Variants in BRINP1 observed in about 807,000 individuals in gnomAD.
BRINP1 encodes BMP/retinoic acid inducible neural specific 1.
In BRINP1, 17 loss-of-function variants were observed where a neutral mutation model predicts 72.9. The ratio of observed to expected loss-of-function variants is 0.23; its 90% confidence interval spans 0.16 to 0.35. The LOEUF is 0.35. Among genes scored for constraint, BRINP1 ranks in the 10% least tolerant of loss-of-function variants. The probability of loss-of-function intolerance (pLI) is 1.00; values close to 1 mark genes in which losing one functional copy is unlikely to be tolerated. For missense variants in BRINP1, 850 were observed against 1,001.6 expected, an observed-to-expected ratio of 0.85 and a Z score of 2.04; for synonymous variants, 418 against 378.5, an observed-to-expected ratio of 1.10 and a Z score of -1.21.
intron 7 of BRINP1, among the ~76,000 whole-genome samples, chr9:119,202,380 T>C (rs1049262842): frequency 6.6e-6 from 1 of 152,168 alleles, no homozygotes; most frequent in Admixed American, 6.5e-5. Flanking sequence ...CCCAATTGCA[T>C]AGCCCCCTTT....
chr9:119,219,317 T>C (rs1356493420), intron 5 of BRINP1, among the ~76,000 whole-genome samples: 3 of 152,156 alleles, frequency 2.0e-5, no homozygotes, highest in African/African-American at 7.2e-5. Context: ...AAATCCTCCT[T>C]GAATAGCACC....
intron 6 of BRINP1, among the ~76,000 whole-genome samples, chr9:119,209,160 TG>T (rs1377607431): frequency 1.3e-5 from 2 of 152,250 alleles, no homozygotes; most frequent in Non-Finnish European, 2.9e-5. Flanking sequence ...ACCGCATTCT[TG>T]CTTAAGACAG....
chr9:119,210,437 T>C (rs1182844793), intron 6 of BRINP1, among the ~76,000 whole-genome samples: 1 of 152,292 alleles, frequency 6.6e-6, no homozygotes, highest in South Asian at 2.1e-4. Context: ...ACCTAACATA[T>C]ATAACCATAT....
chr9:119,269,892 A>G (rs554373537), intron 2 of BRINP1, among the ~76,000 whole-genome samples: 131 of 152,290 alleles, frequency 8.6e-4, no homozygotes, highest in African/African-American at 2.8e-3. Context: ...TCTTTATGAG[A>G]CTTCTAGCAG....
intron 1 of BRINP1, among the ~76,000 whole-genome samples, chr9:119,358,873 C>T (rs1477236471): frequency 2.0e-5 from 3 of 152,190 alleles, no homozygotes; most frequent in Admixed American, 6.5e-5. Context: ...TCTCCCACGC[C>T]TTATTCTACT....
chr9:119,208,978 C>A (rs762903357), intron 6 of BRINP1, 37 bp from the exon 7 acceptor site: 1 of 1,539,102 alleles, frequency 6.5e-7, no homozygotes, highest in Non-Finnish European at 9.0e-7. Context: ...AAGGGCTAAG[C>A]ATGATAACAC....
At chr9:119,173,873 G>C (rs1478773449) in intron 7 of BRINP1, among the ~76,000 whole-genome samples, 1 of 137,416 alleles carries the variant, frequency 7.3e-6, no homozygotes, top group Non-Finnish European at 1.5e-5. Context: ...ACAAACCTGA[G>C]AAAAACAAGC....
At chr9:119,304,795 G>A (rs941759081) in intron 2 of BRINP1, among the ~76,000 whole-genome samples, 10 of 152,310 alleles carry the variant, frequency 6.6e-5, no homozygotes, top group East Asian at 5.8e-4. Context: ...ACCCTTCTCC[G>A]CTGCCTTTGT....
intron 2 of BRINP1, among the ~76,000 whole-genome samples, chr9:119,255,314 C>A (rs1256986901): frequency 6.6e-6 from 1 of 152,166 alleles, no homozygotes; most frequent in African/African-American, 2.4e-5. Flanking sequence ...AATTAAGCAT[C>A]CCAGCAGGGT....
At position 119,168,230 on chromosome 9, in the gene BRINP1, A is replaced by C; in HGVS notation, c.1146-6T>G. 6.7e-7 allele frequency: 1 copy of C among 1,495,572 alleles called. No individual in the cohort carries two copies. Among genetic ancestry groups the C allele is most frequent in the Non-Finnish European group, 8.9e-7 (1 of 1,125,526 alleles). The allele number at this position is 1,495,572 out of a possible 1,614,324, so 92.6% of individuals were successfully genotyped here. On this transcript the variant is annotated splice_region_variant and splice_polypyrimidine_tract_variant and intron_variant, in intron 7 of 7. Coordinates refer to ENST00000265922, the MANE Select transcript of BRINP1 (RefSeq NM_014618.3). ...CAAGCCACTGCTGAATTGTCCTGGG[A>C]GATAAAGGAAAATTGGAGAAGGTTA...
At chr9:119,241,933 G>C in intron 4 of BRINP1, 114 bp downstream of exon 4, 1 of 1,126,070 alleles carries the variant, frequency 8.9e-7, no homozygotes, top group Non-Finnish European at 1.3e-6. Flanking sequence ...AGGGCATCAC[G>C]AGCTACATGG....
intron 5 of BRINP1, among the ~76,000 whole-genome samples, chr9:119,220,056 G>A (rs1164409715): frequency 6.6e-6 from 1 of 152,138 alleles, no homozygotes; most frequent in Non-Finnish European, 1.5e-5. Context: ...AAAAGAAAGA[G>A]TACTTGCACA....
intron 7 of BRINP1, among the ~76,000 whole-genome samples, chr9:119,198,172 T>A (rs971751267): frequency 1.3e-5 from 2 of 152,254 alleles, no homozygotes; most frequent in Non-Finnish European, 2.9e-5. Context: ...TGCATTTATA[T>A]GTTTTTAAGT....
At chr9:119,231,779 A>G (rs562318311) in intron 5 of BRINP1, among the ~76,000 whole-genome samples, 1 of 151,114 alleles carries the variant, frequency 6.6e-6, no homozygotes, top group Non-Finnish European at 1.5e-5. Context: ...TTTTCTGGCC[A>G]CTCTCCAGCT....
chr9:119,205,580 A>G (rs934636262), intron 7 of BRINP1, among the ~76,000 whole-genome samples: 9 of 151,598 alleles, frequency 5.9e-5, no homozygotes, highest in African/African-American at 2.2e-4. Flanking sequence ...ACAAATCCAG[A>G]CTCCTTGACT....
At chr9:119,225,176 T>A (rs1011051796) in intron 5 of BRINP1, among the ~76,000 whole-genome samples, 1 of 152,150 alleles carries the variant, frequency 6.6e-6, no homozygotes, top group East Asian at 1.9e-4. Flanking sequence ...ATGTAGTATA[T>A]GTATACAATG....
At chr9:119,348,042 T>A (rs1357627023) in intron 1 of BRINP1, among the ~76,000 whole-genome samples, 2 of 152,186 alleles carry the variant, frequency 1.3e-5, no homozygotes, top group Non-Finnish European at 2.9e-5. Flanking sequence ...TTTGGACAAA[T>A]GGATAATGAC....
At chr9:119,237,626 T>G (rs1310703926) in intron 5 of BRINP1, among the ~76,000 whole-genome samples, 3 of 151,682 alleles carry the variant, frequency 2.0e-5, no homozygotes, top group Non-Finnish European at 4.4e-5. Context: ...CCTCCCAAAG[T>G]GCTGGGATTA....
intron 5 of BRINP1, among the ~76,000 whole-genome samples, chr9:119,222,764 T>G (rs1190224147): frequency 6.6e-6 from 1 of 152,044 alleles, no homozygotes; most frequent in Non-Finnish European, 1.5e-5. Flanking sequence ...CAAATGAGAA[T>G]TTTAACTTCA....
Sources: gnomAD v4.1 joint callset for allele counts (sites outside exome capture counted in the v4.1 genomes callset) on GRCh38, gnomAD v4.1.1 for gene constraint, MANE v1.5 for transcripts, NCBI Gene and HGNC (gene_info 2026-07-23, HGNC 2026-07-21) for gene names.